EIF4G3: variants seen among roughly 807,000 people sequenced by gnomAD.
EIF4G3 encodes eIF-4-gamma 3.
In EIF4G3, 34 loss-of-function variants were observed where a neutral mutation model predicts 186.4. The observed-to-expected ratio is 0.18, with a 90% CI of 0.14 to 0.24. The LOEUF is 0.24. Ranked by LOEUF, EIF4G3 falls within the 10% of genes least tolerant of loss-of-function variation. The pLI, the probability that EIF4G3 is intolerant of heterozygous loss-of-function variation, is 1.00. For missense variants in EIF4G3, 1,536 were observed against 1,948.5 expected, an observed-to-expected ratio of 0.79 and a Z score of 3.99; for synonymous variants, 673 against 679.5, an observed-to-expected ratio of 0.99 and a Z score of 0.15.
At chr1:21,073,603 G>A (rs1022462475) in intron 3 of EIF4G3, 50 of 504,946 alleles carry the variant, frequency 9.9e-5, no homozygotes, top group South Asian at 1.7e-4. Context: ...CTCACAGCAT[G>A]GACCCCTCTA....
intron 24 of EIF4G3, 66 bp from the exon 25 acceptor site, chr1:20,857,563 C>G (rs1218886702): frequency 4.0e-6 from 5 of 1,255,488 alleles, no homozygotes; most frequent in Middle Eastern, 1.9e-4. Context: ...AAAGAGTGAG[C>G]AATATTTTCA....
At chr1:20,969,728 T>G (rs537243702) in intron 11 of EIF4G3, 132 bp from the exon 12 acceptor site, 21 of 761,444 alleles carry the variant, frequency 2.8e-5, no homozygotes, top group Non-Finnish European at 4.1e-5. Flanking sequence ...CACATTTGAC[T>G]TTATTTCAAT....
chr1:21,035,865 G>A (rs2093153022), intron 4 of EIF4G3, among the ~76,000 whole-genome samples: 1 of 152,308 alleles, frequency 6.6e-6, no homozygotes, highest in African/African-American at 2.4e-5. Flanking sequence ...GACTTGTGGT[G>A]CCTTTTCTGG....
At position 20,930,027 on chromosome 1, in the gene EIF4G3, C is replaced by T. The variant is rs2095222405; in HGVS notation, c.1663+11464G>A. On this transcript the variant is annotated intron_variant, in intron 14 of 36. Coordinates refer to ENST00000602326, the MANE Select transcript of EIF4G3 (RefSeq NM_001391906.1). ...CCCAGTGCGTATAAAAGTTATGTTT[C>T]TACTAAACTGTAGTCTATTAAGTGT... Among the ~76,000 whole-genome samples the T allele has an allele frequency of 4.6e-5, 7 of 152,162 alleles. No individual in the cohort carries two copies. The South Asian group carries it at 1.4e-3, about 31-fold the overall frequency.
intron 20 of EIF4G3, among the ~76,000 whole-genome samples, chr1:20,873,737 AC>A (rs1049593774): frequency 1.1e-4 from 14 of 129,364 alleles, no homozygotes; most frequent in African/African-American, 2.8e-4. Flanking sequence ...AAAAAAAAAA[AC>A]CACGAGATAC....
At chr1:21,010,455 AAAAAG>A (rs1344735758) in intron 4 of EIF4G3, among the ~76,000 whole-genome samples, 3 of 151,686 alleles carry the variant, frequency 2.0e-5, no homozygotes, top group Admixed American at 1.3e-4. Context: ...AAAAAGAAAG[AAAAAG>A]AAAAGAAAAA....
At chr1:21,030,846 A>AAT (rs557362682) in intron 4 of EIF4G3, among the ~76,000 whole-genome samples, 33 of 152,318 alleles carry the variant, frequency 2.2e-4, no homozygotes, top group African/African-American at 6.7e-4. Context: ...TAGATTGCTG[A>AAT]ATATGTGTCT....
At chr1:20,820,484 C>A (rs909994780) in intron 33 of EIF4G3, among the ~76,000 whole-genome samples, 2 of 152,120 alleles carry the variant, frequency 1.3e-5, no homozygotes, top group Non-Finnish European at 2.9e-5. Flanking sequence ...CCATGAATGG[C>A]AGCAGGAGGC....
At chr1:21,120,942 C>T (rs745683873) in intron 2 of EIF4G3, among the ~76,000 whole-genome samples, 2 of 152,122 alleles carry the variant, frequency 1.3e-5, no homozygotes, top group African/African-American at 4.8e-5. Flanking sequence ...GTTTTTGAGA[C>T]AAGGTCTCAC....
chr1:20,816,740 T>G, intron 34 of EIF4G3, among the ~76,000 whole-genome samples: 1 of 92,464 alleles, frequency 1.1e-5, no homozygotes, highest in African/African-American at 4.0e-5. Context: ...GTCTGGGAGG[T>G]GTGCCCAGCG....
intron 20 of EIF4G3, among the ~76,000 whole-genome samples, chr1:20,877,326 G>A (rs1042233748): frequency 6.6e-6 from 1 of 152,170 alleles, no homozygotes; most frequent in Non-Finnish European, 1.5e-5. Context: ...ACATCAGGAG[G>A]CACTATGGCA....
At chr1:21,018,067 T>C (rs2089698915) in intron 4 of EIF4G3, among the ~76,000 whole-genome samples, 1 of 151,502 alleles carries the variant, frequency 6.6e-6, no homozygotes, top group Non-Finnish European at 1.5e-5. Context: ...GCCTCCCAAG[T>C]AGTTGTGACT....
intron 7 of EIF4G3, among the ~76,000 whole-genome samples, chr1:20,987,334 T>C (rs538553172): frequency 5.9e-5 from 9 of 152,378 alleles, no homozygotes; most frequent in African/African-American, 1.9e-4. Context: ...ACATTAGATA[T>C]TCCCATGTGG....
chr1:20,941,778 G>T lies in EIF4G3; in HGVS notation c.1376C>A (p.Pro459Gln). The change falls in exon 14 of 37, where the codon CCA becomes CAA. Residue 459 changes from proline to glutamine, a missense_variant. Coordinates refer to ENST00000602326, the MANE Select transcript of EIF4G3 (RefSeq NM_001391906.1). ...AACTGTGGAAGGGGTGATGGGAGCTGGGATACACTCCAGTTTCATTTCTTC... is the reference window on the plus strand; with the variant it reads ...AACTGTGGAAGGGGTGATGGGAGCTTGGATACACTCCAGTTTCATTTCTTC... Reference protein sequence around the residue: ...PPEEMKLECIPAPITPSTVPS... With the variant: ...PPEEMKLECIQAPITPSTVPS... 6.2e-7 allele frequency: 1 copy of T among 1,612,654 alleles called. No individual in the cohort carries two copies. Among genetic ancestry groups the T allele is most frequent in the Non-Finnish European group, 8.5e-7 (1 of 1,179,300 alleles).
intron 3 of EIF4G3, among the ~76,000 whole-genome samples, chr1:21,059,001 T>C (rs1179974470): frequency 6.6e-6 from 1 of 152,030 alleles, no homozygotes; most frequent in Non-Finnish European, 1.5e-5. Flanking sequence ...TTATATAATA[T>C]GAATGAAAAC....
intron 7 of EIF4G3, among the ~76,000 whole-genome samples, chr1:20,992,087 A>G (rs897659900): frequency 8.5e-5 from 13 of 152,208 alleles, no homozygotes; most frequent in Admixed American, 7.9e-4. Flanking sequence ...CTCCCAACAT[A>G]TATTTTCTTC....
At chr1:21,058,186 T>C (rs996566964) in intron 3 of EIF4G3, among the ~76,000 whole-genome samples, 2 of 152,028 alleles carry the variant, frequency 1.3e-5, no homozygotes, top group Admixed American at 1.3e-4. Context: ...AAATACCCCC[T>C]GGAGGAAACA....
At chr1:21,055,082 A>G (rs1263016094) in intron 3 of EIF4G3, among the ~76,000 whole-genome samples, 1 of 152,220 alleles carries the variant, frequency 6.6e-6, no homozygotes, top group Non-Finnish European at 1.5e-5. Context: ...AAATTTTTCA[A>G]AGGAGAAAAG....
chr1:20,952,507 G>T (rs1175035179), intron 12 of EIF4G3, among the ~76,000 whole-genome samples: 2 of 152,050 alleles, frequency 1.3e-5, no homozygotes, highest in African/African-American at 4.8e-5. Context: ...GGATAATCTT[G>T]TCAAATTGTA....
Sources: allele counts gnomAD v4.1 joint callset (sites outside exome capture counted in the v4.1 genomes callset), GRCh38; gene constraint gnomAD v4.1.1; transcripts MANE v1.5; gene names NCBI Gene and HGNC (gene_info 2026-07-23, HGNC 2026-07-21).